The following PLCD1 variants were observed in gnomAD, a reference collection of about 807,000 sequenced individuals.
The protein encoded by PLCD1 is 1-phosphatidylinositol 4,5-bisphosphate phosphodiesterase delta-1.
PLCD1 carries 71 observed loss-of-function variants against 87.4 expected under a neutral mutation model. That is an observed-to-expected ratio of 0.81 (90% confidence interval 0.67 to 0.99). PLCD1 has a LOEUF of 0.99. Among genes scored for constraint, PLCD1 ranks in the 50% least tolerant of loss-of-function variants. The pLI, the probability that PLCD1 is intolerant of heterozygous loss-of-function variation, is 0.00. For synonymous variants in PLCD1, 348 were observed against 399.2 expected (o/e 0.87, Z 1.53); for missense variants, 867 against 1,001.5 (o/e 0.87, Z 1.81).
chr3:38,021,614 C>T (rs536053399), intron 1 of PLCD1, among the ~76,000 whole-genome samples: 1 of 152,312 alleles, frequency 6.6e-6, no homozygotes, highest in East Asian at 1.9e-4. Context: ...CGTATGTGTG[C>T]GTGTATCACC....
At chr3:38,021,177 G>A (rs1700228670) in intron 1 of PLCD1, among the ~76,000 whole-genome samples, 1 of 152,110 alleles carries the variant, frequency 6.6e-6, no homozygotes, top group African/African-American at 2.4e-5. Context: ...GCCCACATGA[G>A]TGATCTCTGA....
intron 1 of PLCD1, 76 bp downstream of exon 1, chr3:38,029,430 C>T (rs1700340105): frequency 7.4e-7 from 1 of 1,343,430 alleles, no homozygotes; most frequent in South Asian, 1.2e-5. Flanking sequence ...CTGGGGGCTC[C>T]CTGTCCAGGG....
chr3:38,027,954 G>A (rs1700325531), intron 1 of PLCD1, among the ~76,000 whole-genome samples: 1 of 152,230 alleles, frequency 6.6e-6, no homozygotes, highest in African/African-American at 2.4e-5. Flanking sequence ...ACTGAGTTAG[G>A]CATTTGGGAG....
Position 38,025,784 on chromosome 3 carries a change from C to T in PLCD1, c.34+3722G>A, listed in dbSNP as rs1700302270. On this transcript the variant is annotated intron_variant, in intron 1 of 14. Coordinates refer to ENST00000334661, the MANE Select transcript of PLCD1 (RefSeq NM_006225.4). The surrounding 1 kb of genome is among the most constrained non-coding windows in gnomAD (Gnocchi z 4.0). ...CACCCAGTAATTATTTATTGAGCCCCTACTGTGTGCCAATGTCAGGACACC... is the reference window on the plus strand; with the variant it reads ...CACCCAGTAATTATTTATTGAGCCCTTACTGTGTGCCAATGTCAGGACACC... Among the ~76,000 whole-genome samples the T allele has an allele frequency of 6.6e-6, 1 of 152,182 alleles. No individual in the cohort carries two copies. Among genetic ancestry groups the T allele is most frequent in the Non-Finnish European group, 1.5e-5 (1 of 68,032 alleles).
Position 38,017,313 on chromosome 3 carries a change from G to C in PLCD1, c.200-594C>G, listed in dbSNP as rs1412649700. Among the ~76,000 whole-genome samples, 1 of 152,196 alleles carries C rather than the reference G, an allele frequency of 6.6e-6. No homozygotes were observed. The highest frequency in any genetic ancestry group is 1.5e-5 in the Non-Finnish European group (1 of 68,014). On this transcript the variant is annotated intron_variant, in intron 2 of 14. Coordinates refer to ENST00000334661, the MANE Select transcript of PLCD1 (RefSeq NM_006225.4). This position sits in a 1 kb window ranked among gnomAD's most constrained non-coding sequence, Gnocchi z 4.7. Reference sequence around the variant, plus strand: ...CTATGGGCAGAGGGCCGAAGACAGAGGGAGAAGCCCTGCATGGGAGAGGAG... The same window carrying C: ...CTATGGGCAGAGGGCCGAAGACAGACGGAGAAGCCCTGCATGGGAGAGGAG...
intron 3 of PLCD1, among the ~76,000 whole-genome samples, chr3:38,015,969 C>A (rs1264556647): frequency 6.6e-6 from 1 of 152,178 alleles, no homozygotes; most frequent in African/African-American, 2.4e-5. Context: ...CAGGGAGCAG[C>A]AGAGCTATTT....
chr3:38,013,173 A>G (rs1178388543), intron 3 of PLCD1, among the ~76,000 whole-genome samples: 4 of 148,754 alleles, frequency 2.7e-5, no homozygotes, highest in African/African-American at 9.9e-5. Flanking sequence ...TAGAGGTGTG[A>G]GCCGCCGAGC....
At chr3:38,027,227 G>A (rs892991581) in intron 1 of PLCD1, among the ~76,000 whole-genome samples, 1 of 152,290 alleles carries the variant, frequency 6.6e-6, no homozygotes, top group East Asian at 1.9e-4. Context: ...CCATGACTAG[G>A]AACTACCTTA....
rs780283819 is a variant in PLCD1, at chr3:38,017,921, C to T, written c.200-1202G>A. Reference sequence around the variant, plus strand: ...TGCCTGCAGCCCCTGGTGACCCACACGGCCGCACACAGGGTGCAGCTGCAG... The same window carrying T: ...TGCCTGCAGCCCCTGGTGACCCACATGGCCGCACACAGGGTGCAGCTGCAG... On this transcript the variant is annotated intron_variant, in intron 2 of 14. Coordinates refer to ENST00000334661, the MANE Select transcript of PLCD1 (RefSeq NM_006225.4). This position sits in a 1 kb window ranked among gnomAD's most constrained non-coding sequence, Gnocchi z 4.7. Among the ~76,000 whole-genome samples, 10 of 152,160 alleles carry T rather than the reference C, an allele frequency of 6.6e-5. No individual in the cohort carries two copies. Among genetic ancestry groups the T allele is most frequent in the African/African-American group, 2.2e-4 (9 of 41,524 alleles).
chr3:38,028,356 A>G (rs1441172006), intron 1 of PLCD1, among the ~76,000 whole-genome samples: 1 of 152,226 alleles, frequency 6.6e-6, no homozygotes, highest in Non-Finnish European at 1.5e-5. Flanking sequence ...CTGGGCACAG[A>G]GCAAGGTCTC....
rs1277606853 is a variant in PLCD1 at position 38,016,441 on chromosome 3, C to T, written c.428+50G>A. 3.8e-6 allele frequency: 5 copies of T among 1,308,258 alleles called. No individual in the cohort carries two copies. In the African/African-American group the frequency reaches 5.8e-5, roughly 15 times the overall value. The allele number at this position is 1,308,258 out of a possible 1,614,324, so 81.0% of individuals were successfully genotyped here. A position where few individuals can be genotyped will look rare whatever the true frequency, so the allele number is the denominator to read the frequency against. On this transcript the variant is annotated intron_variant, in intron 3 of 14. Coordinates refer to ENST00000334661, the MANE Select transcript of PLCD1 (RefSeq NM_006225.4). ...ACCCAAGTTGCCCTGGGGATAACCA[C>T]AGCCAGTGTCCACAAGCCAGGCCTG... is the stretch of plus-strand genomic sequence containing the variant.
intron 1 of PLCD1, 82 bp downstream of exon 1, chr3:38,029,424 G>A (rs2125553618): frequency 6.3e-6 from 8 of 1,275,464 alleles, no homozygotes; most frequent in Middle Eastern, 2.5e-4. Flanking sequence ...AAGGAGCTGG[G>A]GGCTCCCTGT....
chr3:38,024,210 A>G, intron 1 of PLCD1: 1 of 790,958 alleles, frequency 1.3e-6, no homozygotes, highest in Non-Finnish European at 2.1e-6. Context: ...CACTCACAGA[A>G]GTACTAAACA....
At chr3:38,027,594 C>T (rs1700322409) in intron 1 of PLCD1, among the ~76,000 whole-genome samples, 1 of 152,202 alleles carries the variant, frequency 6.6e-6, no homozygotes, top group South Asian at 2.1e-4. Context: ...AGGTGAGCCG[C>T]ATAGCTCCCC....
chr3:38,007,559 T>G lies in PLCD1; in HGVS notation c.*214A>C. ...TCGCTGGCCGGAGGGTGGAGAGGGC[T>G]GCAGTGTTATTCCTAACGGAATGAA... is the stretch of plus-strand genomic sequence containing the variant. On this transcript the variant is annotated 3_prime_UTR_variant, in exon 15 of 15. Coordinates refer to ENST00000334661, the MANE Select transcript of PLCD1 (RefSeq NM_006225.4). 1.4e-6 allele frequency: 1 copy of G among 694,418 alleles called. No homozygotes were observed. The highest frequency in any genetic ancestry group is 1.5e-5 in the South Asian group (1 of 66,612). 43.0% of individuals were successfully genotyped at this position (694,418 alleles called of 1,614,324 possible).
In PLCD1 at chr3:38,014,782, T is replaced by C. The variant is rs1700130589; in HGVS notation, c.428+1709A>G. ...TATATAAAGAGCTCTTACAACTCAA[T>C]AATAAAGACAAATGATCCAAAAAAT... On this transcript the variant is annotated intron_variant, in intron 3 of 14. Coordinates refer to ENST00000334661, the MANE Select transcript of PLCD1 (RefSeq NM_006225.4). 3.9e-5 allele frequency: 6 copies of C among 151,978 alleles called. No individual in the cohort carries two copies. In the South Asian group the frequency reaches 1.2e-3, roughly 32 times the overall value. 9.4% of individuals were successfully genotyped at this position (151,978 alleles called of 1,614,324 possible).
Position 38,009,697 on chromosome 3 carries a change from T to C in PLCD1, c.1402A>G (p.Met468Val). 6.2e-7 allele frequency: 1 copy of C among 1,614,114 alleles called. No homozygotes were observed. The highest frequency in any genetic ancestry group is 8.5e-7 in the Non-Finnish European group (1 of 1,180,016). The stretch of plus-strand genomic sequence containing the variant: ...CGGCTCCTCACTGCCTCATCCTCCA[T>C]CTCAGCAGCCTCGTCTTCGTCTGAC... ...VVSDEDEAAE[M>V]EDEAVRSRVQ... is the part of the protein sequence containing the mutation. The change falls in exon 9 of 15, where the codon ATG becomes GTG. Residue 468 changes from methionine to valine, a missense_variant. Met to Val is a conservative substitution (Grantham distance 21). Transcript: ENST00000334661.
chr3:38,016,444 C>A, intron 3 of PLCD1, 47 bp downstream of exon 3: 1 of 1,328,426 alleles, frequency 7.5e-7, no homozygotes, highest in Non-Finnish European at 1.1e-6. Context: ...ATAACCACAG[C>A]CAGTGTCCAC....
intron 1 of PLCD1, among the ~76,000 whole-genome samples, chr3:38,020,870 C>T (rs2125549805): frequency 6.6e-6 from 1 of 152,312 alleles, no homozygotes; most frequent in African/African-American, 2.4e-5. Context: ...AACGTCCCAA[C>T]TCCAATAGCT....
Sources: allele counts gnomAD v4.1 joint callset (sites outside exome capture counted in the v4.1 genomes callset), GRCh38; gene constraint gnomAD v4.1.1; non-coding constraint Gnocchi (gnomAD v3.1); transcripts MANE v1.5; gene names NCBI Gene and HGNC (gene_info 2026-07-23, HGNC 2026-07-21).